The following DOP1B variants were observed in gnomAD, a reference collection of about 807,000 sequenced individuals.
DOP1B encodes protein DOP1B.
In DOP1B, 174 loss-of-function variants were observed where a neutral mutation model predicts 233.5. That is an observed-to-expected ratio of 0.75 (90% confidence interval 0.66 to 0.85). The LOEUF is 0.85. DOP1B is among the 40% of genes least tolerant of loss of function. The probability of loss-of-function intolerance (pLI) is 0.00; values close to 1 mark genes in which losing one functional copy is unlikely to be tolerated. For missense variants in DOP1B, 2,652 were observed against 2,846.6 expected, an observed-to-expected ratio of 0.93 and a Z score of 1.56; for synonymous variants, 1,190 against 1,185.6, an observed-to-expected ratio of 1.00 and a Z score of -0.08.
chr21:36,227,583 A>G lies in DOP1B; in HGVS notation c.1474-103A>G, dbSNP rs1484946013. 5 of 1,012,396 alleles carry G rather than the reference A, an allele frequency of 4.9e-6. No homozygotes were observed. In the African/African-American group the frequency reaches 8.1e-5, roughly 16 times the overall value. 62.7% of individuals were successfully genotyped at this position (1,012,396 alleles called of 1,614,324 possible). On this transcript the variant is annotated intron_variant, in intron 12 of 36. Transcript: ENST00000691173. ...GAAAGAAAGAAAGAAAATTAGTGTG[A>G]AATTTATGCCCTAAAAAATTGAATT...
intron 2 of DOP1B, among the ~76,000 whole-genome samples, chr21:36,166,091 A>G (rs1378266166): frequency 6.6e-6 from 1 of 151,428 alleles, no homozygotes; most frequent in African/African-American, 2.4e-5. Context: ...TCATCCTGAA[A>G]CCAACCATGC....
intron 2 of DOP1B, among the ~76,000 whole-genome samples, chr21:36,185,936 C>T (rs1158184926): frequency 6.6e-6 from 1 of 152,220 alleles, no homozygotes; most frequent in Non-Finnish European, 1.5e-5. Context: ...GGCGTGGTGG[C>T]TCACACCTGT....
At chr21:36,209,932 G>GT (rs1259407816) in intron 5 of DOP1B, among the ~76,000 whole-genome samples, 5 of 152,104 alleles carry the variant, frequency 3.3e-5, no homozygotes, top group African/African-American at 9.7e-5. Flanking sequence ...CAAAATGGGG[G>GT]TTGTAGACCT....
chr21:36,292,913 C>A (rs1209044041), intron 36 of DOP1B, among the ~76,000 whole-genome samples: 1 of 152,062 alleles, frequency 6.6e-6, no homozygotes, highest in Non-Finnish European at 1.5e-5. Context: ...CGTGTCCAGC[C>A]TGCTTTTCTT....
chr21:36,197,081 C>T (rs1477057621), intron 2 of DOP1B, among the ~76,000 whole-genome samples: 8 of 151,900 alleles, frequency 5.3e-5, no homozygotes, highest in Admixed American at 2.6e-4. Context: ...TATAGGCACG[C>T]GCCACCATGC....
intron 2 of DOP1B, chr21:36,169,576 CT>C: frequency 9.4e-7 from 1 of 1,063,398 alleles, no homozygotes; most frequent in South Asian, 1.3e-5. Flanking sequence ...GTACCTGCTG[CT>C]GTAGCCCCTC....
chr21:36,239,889 C>G lies in DOP1B; in HGVS notation c.3001C>G (p.Leu1001Val), dbSNP rs1378044886. 1 of 1,605,608 alleles carries G rather than the reference C, an allele frequency of 6.2e-7. No homozygotes were observed. The highest frequency in any genetic ancestry group is 1.7e-5 in the Admixed American group (1 of 59,170). Residue 1001 changes from leucine to valine, a missense_variant, in exon 18 of 37, where the codon CTG (leucine) becomes GTG (valine). Leu to Val is a conservative substitution (Grantham distance 32, BLOSUM62 1). Around this residue, in one of 3 missense-constraint regions of DOP1B, gnomAD observed 2,617 missense variants for 2,794.3 expected, o/e 0.94. Coordinates refer to ENST00000691173, the MANE Select transcript of DOP1B (RefSeq NM_001320714.2). The stretch of plus-strand genomic sequence containing the variant: ...GGCTCGCATCCTCGAACCCGTGCTC[C>G]TGCTGCTGCTGCAGCCAAAAACCCA... The part of the protein sequence containing the change: ...DVARILEPVL[L>V]LLLQPKTQRT...
At chr21:36,188,726 G>T (rs2066195419) in intron 2 of DOP1B, among the ~76,000 whole-genome samples, 1 of 152,166 alleles carries the variant, frequency 6.6e-6, no homozygotes, top group South Asian at 2.1e-4. Context: ...TTTTAAATTG[G>T]CTGACTTACA....
chr21:36,284,381 C>T (rs1306354025), intron 32 of DOP1B, among the ~76,000 whole-genome samples: 1 of 149,334 alleles, frequency 6.7e-6, no homozygotes, highest in Non-Finnish European at 1.5e-5. Context: ...AGCAATTCTC[C>T]TGCCTCAGCC....
chr21:36,213,440 T>G (rs1414489448), intron 7 of DOP1B, among the ~76,000 whole-genome samples: 1 of 151,968 alleles, frequency 6.6e-6, no homozygotes, highest in Admixed American at 6.6e-5. Context: ...GATGGGAGCA[T>G]GTGCATGAGA....
intron 32 of DOP1B, among the ~76,000 whole-genome samples, chr21:36,287,015 C>T (rs1227371058): frequency 6.6e-6 from 1 of 151,950 alleles, no homozygotes; most frequent in Non-Finnish European, 1.5e-5. Context: ...TGTACTACAG[C>T]CGATCTTAGC....
intron 2 of DOP1B, chr21:36,169,675 G>T (rs973979484): frequency 5.6e-6 from 5 of 891,268 alleles, no homozygotes; most frequent in African/African-American, 1.6e-5. Context: ...GAGGAAGTAG[G>T]CGCGTCTGGG....
intron 4 of DOP1B, among the ~76,000 whole-genome samples, chr21:36,205,185 T>C (rs149206742): frequency 6.6e-6 from 1 of 152,338 alleles, no homozygotes; most frequent in African/African-American, 2.4e-5. Flanking sequence ...AGAACCAAAG[T>C]TGTGGAGTGC....
chr21:36,204,352 T>G (rs1601408846), intron 4 of DOP1B, among the ~76,000 whole-genome samples: 1 of 152,176 alleles, frequency 6.6e-6, no homozygotes, highest in South Asian at 2.1e-4. Flanking sequence ...AGTACAGAGT[T>G]TCCATGATGT....
At chr21:36,161,470 A>G (rs2065868979) in intron 1 of DOP1B, among the ~76,000 whole-genome samples, 2 of 152,024 alleles carry the variant, frequency 1.3e-5, no homozygotes, top group Non-Finnish European at 2.9e-5. Flanking sequence ...TTATTGCACT[A>G]TAATTTGCAG....
At chr21:36,158,441 G>C (rs1473611090) in intron 1 of DOP1B, among the ~76,000 whole-genome samples, 1 of 152,106 alleles carries the variant, frequency 6.6e-6, no homozygotes. Flanking sequence ...GCAATTTTCC[G>C]AATGGCCTGA....
chr21:36,200,648 C>A, intron 4 of DOP1B, 147 bp downstream of exon 4: 1 of 1,017,610 alleles, frequency 9.8e-7, no homozygotes, highest in Non-Finnish European at 1.3e-6. Flanking sequence ...TGGAGACCAT[C>A]CTGGCTAACA....
At chr21:36,221,236 T>C (rs2066619072) in intron 10 of DOP1B, among the ~76,000 whole-genome samples, 1 of 152,144 alleles carries the variant, frequency 6.6e-6, no homozygotes, top group Non-Finnish European at 1.5e-5. Context: ...CTCACGCCTG[T>C]AATTTCAGCA....
intron 10 of DOP1B, 28 bp downstream of exon 10, chr21:36,219,520 A>G: frequency 1.2e-6 from 2 of 1,609,506 alleles, no homozygotes; most frequent in East Asian, 4.5e-5. Flanking sequence ...AACCTCACGC[A>G]TCTCTCTCCC....
Sources: allele counts gnomAD v4.1 joint callset (sites outside exome capture counted in the v4.1 genomes callset), GRCh38; gene constraint gnomAD v4.1.1; regional missense constraint gnomAD v4.1.1; transcripts MANE v1.5; gene names NCBI Gene and HGNC (gene_info 2026-07-23, HGNC 2026-07-21).